Variants in OR2L13 observed in about 807,000 individuals in gnomAD.
OR2L13 encodes olfactory receptor family 2 subfamily L member 13, also known as olfactory receptor 2L13.
In OR2L13, 14 loss-of-function variants were observed where a neutral mutation model predicts 15.3. The observed-to-expected ratio is 0.91, with a 90% CI of 0.60 to 1.43. The LOEUF (loss-of-function observed/expected upper bound fraction) is 1.43. Ranked by LOEUF, OR2L13 falls within the 40% of genes most tolerant of loss-of-function variation. The pLI is 0.00. For synonymous variants in OR2L13, 152 were observed against 142.9 expected (o/e 1.06, Z -0.45); for missense variants, 367 against 387.9 (o/e 0.95, Z 0.45).
chr1:248,010,763 G>GTTTTTTTTTTTTT, the OR2L13 span, among the ~76,000 whole-genome samples: 95 of 44,472 alleles, frequency 2.1e-3, 5 homozygotes, highest in East Asian at 4.1e-3. Flanking sequence ...CTTTGTTGTT[G>GTTTTTTTTTTTTT]TTTTTTTTTT....
chr1:247,955,203 G>T, the OR2L13 span, among the ~76,000 whole-genome samples: 11 of 151,910 alleles, frequency 7.2e-5, no homozygotes, highest in East Asian at 1.9e-4. Flanking sequence ...GCAGTGTTTG[G>T]TTTTTTGTCC....
At chr1:247,969,278 C>G in the OR2L13 span, among the ~76,000 whole-genome samples, 1 of 151,962 alleles carries the variant, frequency 6.6e-6, no homozygotes, top group Admixed American at 6.5e-5. Context: ...GCAAAATTTT[C>G]TCCCATTCTG....
At chr1:248,035,050 CTTTT>C in the OR2L13 span, among the ~76,000 whole-genome samples, 3 of 140,768 alleles carry the variant, frequency 2.1e-5, no homozygotes, top group Non-Finnish European at 3.1e-5. Context: ...TTATCTTTCC[CTTTT>C]TTTTTTTTTT....
the OR2L13 span, among the ~76,000 whole-genome samples, chr1:248,074,310 G>T: frequency 6.6e-6 from 1 of 151,452 alleles, no homozygotes. Context: ...TAAAAATATT[G>T]AAATGCCAAA....
the OR2L13 span, among the ~76,000 whole-genome samples, chr1:248,067,274 C>T: frequency 1.5e-4 from 23 of 152,258 alleles, no homozygotes; most frequent in Admixed American, 9.8e-4. Context: ...AACTGAAACA[C>T]CTTTTCAGCC....
the OR2L13 span, among the ~76,000 whole-genome samples, chr1:248,005,776 C>T: frequency 1.4e-4 from 21 of 152,184 alleles, no homozygotes; most frequent in South Asian, 3.1e-3. Flanking sequence ...TAAAGTATTA[C>T]GGTAAAAATT....
At chr1:248,072,320 G>A in the OR2L13 span, among the ~76,000 whole-genome samples, 2,188 of 152,232 alleles carry the variant, frequency 0.014, 66 homozygotes, top group African/African-American at 0.049. Context: ...CAGAAATAAC[G>A]CTGCATATCT....
At chr1:248,094,804 A>G (rs1034970618), upstream of OR2L13, among the ~76,000 whole-genome samples, 1 of 152,204 alleles carries the variant, frequency 6.6e-6, no homozygotes, top group East Asian at 1.9e-4. Context: ...CCTTGGGACT[A>G]GTTCTGCTAT....
the OR2L13 span, among the ~76,000 whole-genome samples, chr1:248,049,934 G>A: frequency 1.3e-5 from 2 of 152,112 alleles, no homozygotes; most frequent in Non-Finnish European, 2.9e-5. Context: ...ATATGTATGT[G>A]TGTTTGTGGA....
chr1:248,067,977 A>G, the OR2L13 span, among the ~76,000 whole-genome samples: 1 of 152,244 alleles, frequency 6.6e-6, no homozygotes, highest in Admixed American at 6.5e-5. Flanking sequence ...TTGCTTAGGT[A>G]AACAAAGCAG....
chr1:247,993,688 A>C, the OR2L13 span, among the ~76,000 whole-genome samples: 607 of 150,154 alleles, frequency 4.0e-3, 1 homozygote, highest in African/African-American at 0.013. Context: ...TTTAATCTTG[A>C]TTCCTCAGCT....
chr1:248,079,628 C>A, the OR2L13 span, among the ~76,000 whole-genome samples: 16,586 of 152,072 alleles, frequency 0.11, 1,399 homozygotes, highest in African/African-American at 0.24. Flanking sequence ...AAGGGTAAAA[C>A]ATAGCCAGTC....
At chr1:248,039,342 T>C in the OR2L13 span, 1 of 634,012 alleles carries the variant, frequency 1.6e-6, no homozygotes, top group Non-Finnish European at 2.5e-6. Context: ...TTTAATTTAG[T>C]CTTGACAATA....
At chr1:247,976,196 G>GAGTTACAGTTTACAAGAGATTCTATAGA in the OR2L13 span, among the ~76,000 whole-genome samples, 1 of 152,078 alleles carries the variant, frequency 6.6e-6, no homozygotes, top group African/African-American at 2.4e-5. Flanking sequence ...GATTCTATAG[G>GAGTTACAGTTTACAAGAGATTCTATAGA]AGTTACAGTC....
chr1:248,098,037 C>G (rs901158027), intron 1 of OR2L13, among the ~76,000 whole-genome samples: 9 of 152,148 alleles, frequency 5.9e-5, no homozygotes, highest in African/African-American at 2.2e-4. Flanking sequence ...TAGAATGAAG[C>G]CACATGAGTT....
the OR2L13 span, chr1:248,038,169 C>A: frequency 2.5e-6 from 2 of 812,352 alleles, no homozygotes; most frequent in South Asian, 1.7e-5. Context: ...TTCAGGCATC[C>A]ACTGGGAGTC....
the OR2L13 span, among the ~76,000 whole-genome samples, chr1:247,970,177 A>G: frequency 6.6e-6 from 1 of 152,172 alleles, no homozygotes; most frequent in Non-Finnish European, 1.5e-5. Flanking sequence ...TAAACAAAGA[A>G]TCTGGATCTC....
At chr1:247,988,009 T>A in the OR2L13 span, among the ~76,000 whole-genome samples, 1 of 152,170 alleles carries the variant, frequency 6.6e-6, no homozygotes, top group Non-Finnish European at 1.5e-5. Context: ...TATCTCTAGA[T>A]AATTAAAATT....
chr1:247,956,147 C>A, the OR2L13 span, among the ~76,000 whole-genome samples: 1 of 150,644 alleles, frequency 6.6e-6, no homozygotes, highest in East Asian at 2.0e-4. Flanking sequence ...GATCCAGTTT[C>A]AGCTTTCTAC....
Sources: gnomAD v4.1 joint callset for allele counts (sites outside exome capture counted in the v4.1 genomes callset) on GRCh38, gnomAD v4.1.1 for gene constraint, MANE v1.5 for transcripts, NCBI Gene and HGNC (gene_info 2026-07-23, HGNC 2026-07-21) for gene names.